Variants in UNC5C observed in about 807,000 individuals in gnomAD.
UNC5C encodes the protein unc-5 netrin receptor C.
UNC5C carries 47 observed loss-of-function variants against 99.8 expected under a neutral mutation model. The observed-to-expected ratio is 0.47, with a 90% CI of 0.37 to 0.60. UNC5C has a LOEUF of 0.60. UNC5C is among the 20% of genes least tolerant of loss of function. The pLI is 0.00. For synonymous variants in UNC5C, 487 were observed against 452.2 expected (o/e 1.08, Z -0.98); for missense variants, 1,062 against 1,165.9 (o/e 0.91, Z 1.30).
At chr4:95,244,847 G>T in intron 6 of UNC5C, 130 bp downstream of exon 6, 1 of 1,241,780 alleles carries the variant, frequency 8.1e-7, no homozygotes, top group Non-Finnish European at 1.1e-6. Flanking sequence ...AATGTAAACA[G>T]TGAGTAGGAT....
intron 1 of UNC5C, among the ~76,000 whole-genome samples, chr4:95,485,052 A>G (rs1417148280): frequency 6.6e-6 from 1 of 151,878 alleles, no homozygotes; most frequent in Non-Finnish European, 1.5e-5. Context: ...TGGTCTCAAA[A>G]ACAAATTCAG....
chr4:95,487,092 C>A (rs1721346888), intron 1 of UNC5C, among the ~76,000 whole-genome samples: 2 of 151,712 alleles, frequency 1.3e-5, no homozygotes, highest in Admixed American at 6.6e-5. Flanking sequence ...TCCCAACCTC[C>A]AGAACCATGA....
chr4:95,199,203 G>C (rs1043827633), intron 12 of UNC5C, among the ~76,000 whole-genome samples: 1 of 152,138 alleles, frequency 6.6e-6, no homozygotes, highest in Admixed American at 6.5e-5. Context: ...AGATGGGAGA[G>C]AGTATGTTGG....
chr4:95,181,430 A>C (rs1017578232), intron 14 of UNC5C, among the ~76,000 whole-genome samples: 3 of 152,212 alleles, frequency 2.0e-5, no homozygotes, highest in Non-Finnish European at 4.4e-5. Flanking sequence ...ACACGCAGCC[A>C]ATGTTCATGT....
chr4:95,419,801 T>A (rs1746267142), intron 1 of UNC5C, among the ~76,000 whole-genome samples: 1 of 152,074 alleles, frequency 6.6e-6, no homozygotes, highest in African/African-American at 2.4e-5. Flanking sequence ...TAGCAACTAC[T>A]CTTAAACCTG....
chr4:95,480,404 T>C (rs1008490353), intron 1 of UNC5C, among the ~76,000 whole-genome samples: 1 of 151,934 alleles, frequency 6.6e-6, no homozygotes, highest in Non-Finnish European at 1.5e-5. Context: ...CTAAAAATAC[T>C]AGTTGTCATG....
chr4:95,518,449 T>G (rs1261468295), intron 1 of UNC5C, among the ~76,000 whole-genome samples: 3 of 152,192 alleles, frequency 2.0e-5, no homozygotes, highest in African/African-American at 7.2e-5. Context: ...GATTTCATAA[T>G]TATGCTGCAA....
At position 95,301,502 on chromosome 4, in the gene UNC5C, G is replaced by A. The variant is rs937475411; in HGVS notation, c.490+104C>T. 3.9e-6 allele frequency: 6 copies of A among 1,528,216 alleles called. 1 individual carries two copies. The South Asian group carries it at 7.3e-5, about 19-fold the overall frequency. The allele number at this position is 1,528,216 out of a possible 1,614,324, so 94.7% of individuals were successfully genotyped here. A position where few individuals can be genotyped will look rare whatever the true frequency, so the allele number is the denominator to read the frequency against. On this transcript the variant is annotated intron_variant, in intron 3 of 15. Transcript: ENST00000453304. ...GAGTCACCGCGCCTGGCCTTTCCAG[G>A]ATTTTTGACCAGTTTTCTTTGGTGC... is the stretch of plus-strand genomic sequence containing the variant.
At chr4:95,355,373 T>C (rs562512643) in intron 1 of UNC5C, among the ~76,000 whole-genome samples, 4 of 152,306 alleles carry the variant, frequency 2.6e-5, no homozygotes, top group Admixed American at 2.0e-4. Flanking sequence ...TTTTCCTAAA[T>C]ACACTTGAGC....
intron 2 of UNC5C, among the ~76,000 whole-genome samples, chr4:95,304,337 A>G (rs558446167): frequency 1.3e-5 from 2 of 152,334 alleles, no homozygotes; most frequent in South Asian, 2.1e-4. Context: ...TCACCCTTCT[A>G]TGGAAAGAAG....
At chr4:95,243,976 G>A (rs1204672516) in intron 6 of UNC5C, among the ~76,000 whole-genome samples, 1 of 152,164 alleles carries the variant, frequency 6.6e-6, no homozygotes, top group Non-Finnish European at 1.5e-5. Flanking sequence ...AGCTCTCAAA[G>A]GGCTCACTGT....
At chr4:95,468,439 G>A (rs921697423) in intron 1 of UNC5C, among the ~76,000 whole-genome samples, 1 of 152,014 alleles carries the variant, frequency 6.6e-6, no homozygotes, top group African/African-American at 2.4e-5. Context: ...TCTATATCTT[G>A]AAATGCTTTA....
At chr4:95,519,998 A>T (rs368503434) in intron 1 of UNC5C, among the ~76,000 whole-genome samples, 71 of 152,334 alleles carry the variant, frequency 4.7e-4, no homozygotes, top group African/African-American at 1.6e-3. Context: ...CAATGAGCAA[A>T]GCAAGATGGA....
intron 3 of UNC5C, among the ~76,000 whole-genome samples, chr4:95,292,663 T>C (rs952522657): frequency 6.6e-6 from 1 of 152,168 alleles, no homozygotes; most frequent in South Asian, 2.1e-4. Flanking sequence ...AGAAACGTAA[T>C]AAGTACAAGA....
chr4:95,536,692 C>A (rs1722791307), intron 1 of UNC5C, among the ~76,000 whole-genome samples: 1 of 151,962 alleles, frequency 6.6e-6, no homozygotes, highest in Non-Finnish European at 1.5e-5. Flanking sequence ...GGAAAATAGT[C>A]ACTTTTAATA....
At chr4:95,487,321 G>A (rs1721355033) in intron 1 of UNC5C, among the ~76,000 whole-genome samples, 1 of 151,702 alleles carries the variant, frequency 6.6e-6, no homozygotes, top group Non-Finnish European at 1.5e-5. Context: ...TCTAATACCT[G>A]AATGTGAGGT....
At chr4:95,483,626 T>A (rs17383426) in intron 1 of UNC5C, among the ~76,000 whole-genome samples, 1 of 151,522 alleles carries the variant, frequency 6.6e-6, no homozygotes, top group Non-Finnish European at 1.5e-5. Context: ...TCAATTTGAC[T>A]CAGAAGCCAT....
At chr4:95,319,604 T>C (rs1204044133) in intron 2 of UNC5C, among the ~76,000 whole-genome samples, 1 of 152,118 alleles carries the variant, frequency 6.6e-6, no homozygotes, top group African/African-American at 2.4e-5. Flanking sequence ...GAATGGATAT[T>C]TCAACAGGCT....
At position 95,548,114 on chromosome 4, in the gene UNC5C, G is replaced by C. The variant is rs532256234; in HGVS notation, c.124+620C>G. Among the ~76,000 whole-genome samples, 244 of 152,222 alleles carry C rather than the reference G, an allele frequency of 1.6e-3. 2 individuals carry two copies. Among genetic ancestry groups the C allele is most frequent in the Non-Finnish European group, 2.7e-3 (185 of 68,020 alleles). ...ATGAGTGCAGAGGCATGCACATCCC[G>C]GGCCTGCCTCCAGCCGGGTACGCGG... On this transcript the variant is annotated intron_variant, in intron 1 of 15. Coordinates refer to ENST00000453304, the MANE Select transcript of UNC5C (RefSeq NM_003728.4).
Sources: gnomAD v4.1 joint callset for allele counts (sites outside exome capture counted in the v4.1 genomes callset) on GRCh38, gnomAD v4.1.1 for gene constraint, MANE v1.5 for transcripts, NCBI Gene and HGNC (gene_info 2026-07-23, HGNC 2026-07-21) for gene names.